PSMD1: variants seen among roughly 807,000 people sequenced by gnomAD.
PSMD1 encodes proteasome 26S subunit, non-ATPase 1.
In PSMD1, 18 loss-of-function variants were observed where a neutral mutation model predicts 119.0. The ratio of observed to expected loss-of-function variants is 0.15; its 90% CI spans 0.10 to 0.22. The LOEUF (loss-of-function observed/expected upper bound fraction) is 0.22. Among genes scored for constraint, PSMD1 ranks in the 10% least tolerant of loss-of-function variants. The probability of loss-of-function intolerance (pLI) is 1.00; values close to 1 mark genes in which losing one functional copy is unlikely to be tolerated. For missense variants in PSMD1, 702 were observed against 1,158.5 expected (o/e 0.61, Z 5.72); for synonymous variants, 374 against 396.6 (o/e 0.94, Z 0.68).
In PSMD1 at chr2:231,148,106, A is replaced by G. The variant is rs969976444; in HGVS notation, c.2115+1750A>G. 3.3e-5 allele frequency among the ~76,000 whole-genome samples: 5 copies of G among 152,356 alleles called. No homozygotes were observed. The East Asian group carries it at 5.8e-4, about 18-fold the overall frequency. The stretch of plus-strand genomic sequence containing the variant: ...TATTACTTAATATACTACATCTTCT[A>G]GAACATAAACATCTTTCCAAACACC... On this transcript the variant is annotated intron_variant, in intron 18 of 24. Transcript: ENST00000308696.
chr2:231,062,467 A>G (rs1022411869), intron 3 of PSMD1, 39 bp from the exon 4 acceptor site: 2 of 1,565,748 alleles, frequency 1.3e-6, no homozygotes, highest in African/African-American at 1.4e-5. Flanking sequence ...AGGGAAAACC[A>G]CAGTTTGAAC....
chr2:231,100,890 T>G (rs1694850310), intron 16 of PSMD1, among the ~76,000 whole-genome samples: 1 of 152,216 alleles, frequency 6.6e-6, no homozygotes, highest in African/African-American at 2.4e-5. Context: ...CTGCGCAGTT[T>G]CTTCACCTTC....
At chr2:231,076,915 T>C in intron 8 of PSMD1, 119 bp from the exon 9 acceptor site, 9 of 830,218 alleles carry the variant, frequency 1.1e-5, no homozygotes, top group Non-Finnish European at 1.6e-5. Flanking sequence ...AAATAAATTA[T>C]CCTTTCTCTT....
intron 2 of PSMD1, among the ~76,000 whole-genome samples, chr2:231,061,717 C>T (rs953694263): frequency 5.3e-5 from 8 of 151,994 alleles, no homozygotes; most frequent in African/African-American, 9.7e-5. Context: ...GCATGCACCA[C>T]CACACTCAGC....
intron 4 of PSMD1, 38 bp downstream of exon 4, chr2:231,062,713 G>T: frequency 6.8e-7 from 1 of 1,464,604 alleles, no homozygotes; most frequent in Non-Finnish European, 9.1e-7. Context: ...TATCTTGTCG[G>T]CTTCTTTCTT....
intron 18 of PSMD1, among the ~76,000 whole-genome samples, chr2:231,146,635 CT>C (rs1409118372): frequency 1.3e-5 from 2 of 152,154 alleles, no homozygotes; most frequent in African/African-American, 4.8e-5. Context: ...AAAATGAACT[CT>C]TTTTTTGCCT....
intron 16 of PSMD1, among the ~76,000 whole-genome samples, chr2:231,131,862 G>C (rs7565408): frequency 1.3e-5 from 2 of 150,772 alleles, no homozygotes; most frequent in Admixed American, 6.6e-5. Flanking sequence ...TGGTTTTACT[G>C]TACTCTTGAA....
rs770301226 is a variant in PSMD1, at chr2:231,170,623, G to C, written c.2773G>C (p.Val925Leu). Residue 925 changes from valine to leucine, a missense_variant, in exon 24 of 25, where the codon GTG (valine) becomes CTG (leucine). By Grantham distance (32) the Val-to-Leu change is conservative. Transcript: ENST00000308696. This position sits in a 1 kb window ranked among gnomAD's most constrained non-coding sequence, Gnocchi z 4.1. ...TACCAGTGAAGACATTGAGGAGCTG[G>C]TGGAACCTGTGGCAGCACATGGCCC... ...KDTSEDIEEL[V>L]EPVAAHGPKI... is the part of the protein sequence containing the mutation. 6.2e-7 allele frequency: 1 copy of C among 1,614,106 alleles called. No individual in the cohort carries two copies. The highest frequency in any genetic ancestry group is 8.5e-7 in the Non-Finnish European group (1 of 1,179,988).
chr2:231,105,000 CTTCTT>C (rs1194364203), intron 16 of PSMD1, among the ~76,000 whole-genome samples: 1 of 151,860 alleles, frequency 6.6e-6, no homozygotes, highest in African/African-American at 2.4e-5. Context: ...TTTTTAAAAA[CTTCTT>C]TTCAAGTATA....
intron 18 of PSMD1, among the ~76,000 whole-genome samples, chr2:231,149,641 A>G (rs1167579138): frequency 6.6e-6 from 1 of 152,256 alleles, no homozygotes; most frequent in Non-Finnish European, 1.5e-5. Context: ...ATCATTGACA[A>G]GTACCCTCTT....
chr2:231,059,067 C>T (rs1045972595), intron 1 of PSMD1, among the ~76,000 whole-genome samples: 1 of 152,154 alleles, frequency 6.6e-6, no homozygotes, highest in Non-Finnish European at 1.5e-5. Context: ...AGAGCTCAGT[C>T]AGCCAGTCAA....
intron 16 of PSMD1, among the ~76,000 whole-genome samples, chr2:231,110,051 G>T (rs1174018606): frequency 1.3e-5 from 2 of 152,172 alleles, no homozygotes; most frequent in Non-Finnish European, 2.9e-5. Flanking sequence ...GCACAGTGGC[G>T]CTCATGCCTG....
chr2:231,138,798 G>A lies in PSMD1; in HGVS notation c.1946G>A (p.Arg649His), dbSNP rs1441372370. 2 of 1,614,110 alleles carry A rather than the reference G, an allele frequency of 1.2e-6. No individual in the cohort carries two copies. The highest frequency in any genetic ancestry group is 8.5e-7 in the Non-Finnish European group (1 of 1,180,014). The change falls in exon 17 of 25, where the codon CGC (arginine) becomes CAC (histidine). Residue 649 changes from arginine (R) to histidine (H), a missense_variant. Transcript: ENST00000308696. ...TCAGAGAGTTACAACCCTCATGTGCGCTACGGAGCTGCAATGGCCTTGGGG... is the reference window on the plus strand; with the variant it reads ...TCAGAGAGTTACAACCCTCATGTGCACTACGGAGCTGCAATGGCCTTGGGG... The part of the protein sequence containing the change: ...LLSESYNPHV[R>H]YGAAMALGIC...
At chr2:231,118,319 T>G (rs1246704469) in intron 16 of PSMD1, among the ~76,000 whole-genome samples, 1 of 152,136 alleles carries the variant, frequency 6.6e-6, no homozygotes, top group East Asian at 1.9e-4. Context: ...AGCCAAATCA[T>G]CAGTATGAAA....
At chr2:231,147,643 C>G (rs1008071396) in intron 18 of PSMD1, among the ~76,000 whole-genome samples, 17 of 152,154 alleles carry the variant, frequency 1.1e-4, no homozygotes, top group Admixed American at 2.6e-4. Flanking sequence ...AATACATGTA[C>G]TAAAATTAGC....
At chr2:231,059,886 T>C (rs1291098793) in intron 1 of PSMD1, among the ~76,000 whole-genome samples, 1 of 152,194 alleles carries the variant, frequency 6.6e-6, no homozygotes, top group Non-Finnish European at 1.5e-5. Context: ...GTGTAGAGTA[T>C]TTGATTTAGT....
At chr2:231,070,271 A>G (rs1694011852) in intron 6 of PSMD1, 103 bp downstream of exon 6, 4 of 965,668 alleles carry the variant, frequency 4.1e-6, no homozygotes, top group Non-Finnish European at 5.4e-6. Context: ...ATGGCTTTAT[A>G]CATGTATCTC....
At chr2:231,130,210 G>A (rs1695822114) in intron 16 of PSMD1, among the ~76,000 whole-genome samples, 1 of 152,204 alleles carries the variant, frequency 6.6e-6, no homozygotes. Context: ...CCCACAACAT[G>A]TAGCTCTGTC....
rs527764443 is a variant in PSMD1, at chr2:231,079,629, T to A, written c.1239+15T>A. On this transcript the variant is annotated intron_variant, in intron 11 of 24. Transcript: ENST00000308696. Reference sequence around the variant, plus strand: ...TAATTCATAAGGTAATATATATTGGTCAGTGTATACAGGCATCAGAAAAGA... The same window carrying A: ...TAATTCATAAGGTAATATATATTGGACAGTGTATACAGGCATCAGAAAAGA... 113 of 1,556,758 alleles carry A rather than the reference T, an allele frequency of 7.3e-5. No homozygotes were observed. In the Middle Eastern group the frequency reaches 8.5e-4, roughly 12 times the overall value.
Sources: allele counts gnomAD v4.1 joint callset (sites outside exome capture counted in the v4.1 genomes callset), GRCh38; gene constraint gnomAD v4.1.1; non-coding constraint Gnocchi (gnomAD v3.1); transcripts MANE v1.5; gene names NCBI Gene and HGNC (gene_info 2026-07-23, HGNC 2026-07-21).